IFT57: variants seen among roughly 807,000 people sequenced by gnomAD.
The protein encoded by IFT57 is intraflagellar transport 57.
In IFT57, 59 loss-of-function variants were observed where a neutral mutation model predicts 56.8. The ratio of observed to expected loss-of-function variants is 1.04; its 90% CI spans 0.84 to 1.29. The LOEUF is 1.29. Ranked by LOEUF, IFT57 falls within the 50% of genes most tolerant of loss-of-function variation. The probability of loss-of-function intolerance (pLI) is 0.00; values close to 1 mark genes in which losing one functional copy is unlikely to be tolerated. For missense variants in IFT57, 470 were observed against 522.1 expected (o/e 0.90, Z 0.97); for synonymous variants, 209 against 186.1 (o/e 1.12, Z -1.00).
rs2080128009 is a variant in IFT57, at chr3:108,177,022, A to G, written c.778-9158T>C. ...CACAGGTCAATCCATGGTAGAGCCC[A>G]AAGTTGCAATGACCACTATATTATA... On this transcript the variant is annotated intron_variant, in intron 6 of 10. Coordinates refer to ENST00000264538, the MANE Select transcript of IFT57 (RefSeq NM_018010.4). Among the ~76,000 whole-genome samples, 4 of 151,814 alleles carry G rather than the reference A, an allele frequency of 2.6e-5. No homozygotes were observed. In the South Asian group the frequency reaches 8.3e-4, roughly 31 times the overall value.
At chr3:108,164,370 A>G (rs1162125180) in intron 9 of IFT57, among the ~76,000 whole-genome samples, 1 of 152,098 alleles carries the variant, frequency 6.6e-6, no homozygotes, top group African/African-American at 2.4e-5. Context: ...CAGCATTAAT[A>G]TAAGTAGAAA....
Position 108,222,094 on chromosome 3 carries a change from G to T in IFT57, c.212+17C>A. The T allele has an allele frequency of 6.3e-7, 1 of 1,576,556 alleles. No homozygotes were observed. The highest frequency in any genetic ancestry group is 8.6e-7 in the Non-Finnish European group (1 of 1,162,432). ...GGGCTAGCAGGCACCCGGGCGCTCG[G>T]GGACGCCGGCACCCACCTGGACGGG... is the stretch of plus-strand genomic sequence containing the variant. On this transcript the variant is annotated intron_variant, in intron 1 of 10. Transcript: ENST00000264538.
intron 5 of IFT57, among the ~76,000 whole-genome samples, chr3:108,195,831 G>C (rs1157168721): frequency 2.1e-4 from 32 of 152,122 alleles, no homozygotes; most frequent in Admixed American, 2.1e-3. Flanking sequence ...TGGTAGCGGG[G>C]AGGAGGGATA....
At chr3:108,189,030 A>G (rs1426141801) in intron 6 of IFT57, among the ~76,000 whole-genome samples, 2 of 152,216 alleles carry the variant, frequency 1.3e-5, no homozygotes, top group African/African-American at 2.4e-5. Flanking sequence ...CCAGAATCAC[A>G]ATAATAGTGA....
chr3:108,168,618 G>A (rs1281756752), intron 6 of IFT57, among the ~76,000 whole-genome samples: 1 of 151,908 alleles, frequency 6.6e-6, no homozygotes, highest in Admixed American at 6.6e-5. Context: ...CATGCATTAG[G>A]TATTTGTCCT....
In IFT57 at chr3:108,161,488, A is replaced by G. The variant is rs999454740; in HGVS notation, c.*989T>C. ...TTTAAAATTATTTTTGTTGTCCTAA[A>G]CATAAAGCATTCTTATCAAATTTTC... is the stretch of plus-strand genomic sequence containing the variant. On this transcript the variant is annotated 3_prime_UTR_variant, in exon 11 of 11. Coordinates refer to ENST00000264538, the MANE Select transcript of IFT57 (RefSeq NM_018010.4). 1 of 152,136 alleles carries G rather than the reference A, an allele frequency of 6.6e-6. No homozygotes were observed. Among genetic ancestry groups the G allele is most frequent in the African/African-American group, 2.4e-5 (1 of 41,422 alleles). The allele number at this position is 152,136 out of a possible 1,614,324, so 9.4% of individuals were successfully genotyped here. A position where few individuals can be genotyped will look rare whatever the true frequency, so the allele number is the denominator to read the frequency against.
chr3:108,161,645 T>C lies in IFT57; in HGVS notation c.*832A>G, dbSNP rs925020888. ...GCTGCTTTTTTCACCAATTTAGAAA[T>C]CCTAGCCTAGAAAGTTGCTCAGGAA... On this transcript the variant is annotated 3_prime_UTR_variant, in exon 11 of 11. Transcript: ENST00000264538. The C allele has an allele frequency of 6.6e-6, 1 of 152,040 alleles. No individual in the cohort carries two copies. The allele number at this position is 152,040 out of a possible 1,614,324, so 9.4% of individuals were successfully genotyped here. A position where few individuals can be genotyped will look rare whatever the true frequency, so the allele number is the denominator to read the frequency against.
intron 1 of IFT57, among the ~76,000 whole-genome samples, chr3:108,221,783 A>G (rs1451370440): frequency 3.5e-5 from 2 of 57,154 alleles, no homozygotes; most frequent in South Asian, 4.8e-4. Context: ...GTTTTCTTCA[A>G]TGAGTATTTG....
At chr3:108,207,279 T>A (rs2701061) in intron 4 of IFT57, among the ~76,000 whole-genome samples, 118,653 of 152,108 alleles carry the variant, frequency 0.78, 47,285 homozygotes, top group Non-Finnish European at 0.86. Context: ...AGCTAATCCT[T>A]ATCTGCAGAC....
At chr3:108,165,079 C>A (rs1375684870) in intron 9 of IFT57, among the ~76,000 whole-genome samples, 1 of 152,058 alleles carries the variant, frequency 6.6e-6, no homozygotes, top group African/African-American at 2.4e-5. Flanking sequence ...AACCTTATAT[C>A]TTGCAGACTA....
In IFT57 at chr3:108,219,850, A is replaced by C. The variant is rs562004343; in HGVS notation, c.213-278T>G. ...TGTAGTGCATGTTAGAGCACAGAGC[A>C]TGTAGAATTTTTGCCAAAATGATTT... On this transcript the variant is annotated intron_variant, in intron 1 of 10. Transcript: ENST00000264538. Among the ~76,000 whole-genome samples the C allele has an allele frequency of 7.3e-4, 111 of 152,338 alleles. 1 individual carries two copies. The highest frequency in any genetic ancestry group is 2.6e-3 in the African/African-American group (110 of 41,570).
At position 108,167,818 on chromosome 3, in the gene IFT57, A is replaced by G; in HGVS notation, c.824T>C (p.Ile275Thr). 2 of 1,592,062 alleles carry G rather than the reference A, an allele frequency of 1.3e-6. No homozygotes were observed. Among genetic ancestry groups the G allele is most frequent in the Non-Finnish European group, 1.7e-6 (2 of 1,169,898 alleles). ...VDQMHQHRSG[I>T]ESALKETKGF... ...CTTGGTCTCCTTTAGAGCAGATTCA[A>G]TTCCACTTCTGTGCTGGTGCATTTG... The change falls in exon 7 of 11, where the codon ATT becomes ACT. Residue 275 changes from isoleucine to threonine, a missense_variant. Coordinates refer to ENST00000264538, the MANE Select transcript of IFT57 (RefSeq NM_018010.4).
chr3:108,199,537 A>G lies in IFT57; in HGVS notation c.654+7091T>C, dbSNP rs543636527. 6.6e-5 allele frequency among the ~76,000 whole-genome samples: 10 copies of G among 152,338 alleles called. No individual in the cohort carries two copies. In the East Asian group the frequency reaches 1.5e-3, roughly 23 times the overall value. On this transcript the variant is annotated intron_variant, in intron 5 of 10. Coordinates refer to ENST00000264538, the MANE Select transcript of IFT57 (RefSeq NM_018010.4). Reference sequence around the variant, plus strand: ...GAATACTGGGGAGGAAAAAAGAGTTAAGTACATTGTGAAAGACCTTCAAAT... The same window carrying G: ...GAATACTGGGGAGGAAAAAAGAGTTGAGTACATTGTGAAAGACCTTCAAAT...
At chr3:108,205,921 A>ATTTATAATATATAAATATATTAG (rs1331440079) in intron 5 of IFT57, among the ~76,000 whole-genome samples, 2 of 123,578 alleles carry the variant, frequency 1.6e-5, no homozygotes, top group African/African-American at 5.8e-5. Flanking sequence ...AATATATATT[A>ATTTATAATATATAAATATATTAG]TTTATAATAT....
Position 108,160,837 on chromosome 3 carries a change from G to A in IFT57, c.*1640C>T, listed in dbSNP as rs1390185285. 3.3e-5 allele frequency: 5 copies of A among 152,166 alleles called. No homozygotes were observed. The highest frequency in any genetic ancestry group is 6.5e-5 in the Admixed American group (1 of 15,268). The allele number at this position is 152,166 out of a possible 1,614,324, so 9.4% of individuals were successfully genotyped here. A position where few individuals can be genotyped will look rare whatever the true frequency, so the allele number is the denominator to read the frequency against. On this transcript the variant is annotated 3_prime_UTR_variant, in exon 11 of 11. Coordinates refer to ENST00000264538, the MANE Select transcript of IFT57 (RefSeq NM_018010.4). ...TAGTATAATAAGCTCTTTATTCAAG[G>A]TATGCACAGTGTTCTATAGGAAGAG...
At position 108,214,083 on chromosome 3, in the gene IFT57, T is replaced by C. The variant is rs188525307; in HGVS notation, c.495-62A>G. 3.2e-6 allele frequency: 3 copies of C among 949,150 alleles called. No homozygotes were observed. In the African/African-American group the frequency reaches 4.9e-5, roughly 16 times the overall value. 58.8% of individuals were successfully genotyped at this position (949,150 alleles called of 1,614,324 possible). On this transcript the variant is annotated intron_variant, in intron 3 of 10. Coordinates refer to ENST00000264538, the MANE Select transcript of IFT57 (RefSeq NM_018010.4). ...AATATTTAGTAAGACAAAAAAATCA[T>C]AATGCAAATATCATGTCCTCTATGC...
chr3:108,175,601 C>T (rs963810213), intron 6 of IFT57, among the ~76,000 whole-genome samples: 1 of 151,716 alleles, frequency 6.6e-6, no homozygotes, highest in African/African-American at 2.4e-5. Flanking sequence ...TACTTCAACA[C>T]AATAACACTT....
chr3:108,220,208 T>C (rs1480655704), intron 1 of IFT57, among the ~76,000 whole-genome samples: 1 of 152,214 alleles, frequency 6.6e-6, no homozygotes, highest in Non-Finnish European at 1.5e-5. Context: ...GAATGTCACA[T>C]CACCAGTCAA....
At chr3:108,171,702 A>G (rs1362307212) in intron 6 of IFT57, among the ~76,000 whole-genome samples, 1 of 151,794 alleles carries the variant, frequency 6.6e-6, no homozygotes, top group Admixed American at 6.6e-5. Flanking sequence ...TGGACCAAAT[A>G]TGGTTGAGCC....
Sources: allele counts gnomAD v4.1 joint callset (sites outside exome capture counted in the v4.1 genomes callset), GRCh38; gene constraint gnomAD v4.1.1; transcripts MANE v1.5; gene names NCBI Gene and HGNC (gene_info 2026-07-23, HGNC 2026-07-21).